Variants in UNC45A observed in about 807,000 individuals in gnomAD.
The protein encoded by UNC45A is unc-45 myosin chaperone A.
Under a neutral mutation model 103.2 loss-of-function variants are expected in UNC45A, and 78 were observed. That is an observed-to-expected ratio of 0.76 (90% CI 0.63 to 0.91). UNC45A has a LOEUF of 0.91. Ranked by LOEUF, UNC45A falls within the 40% of genes least tolerant of loss-of-function variation. UNC45A has a pLI of 0.00. For missense variants in UNC45A, 1,193 were observed against 1,224.8 expected, an observed-to-expected ratio of 0.97 and a Z score of 0.39; for synonymous variants, 495 against 504.6, an observed-to-expected ratio of 0.98 and a Z score of 0.25.
intron 12 of UNC45A, 185 bp from the exon 13 acceptor site, chr15:90,948,469 C>T: frequency 7.9e-7 from 1 of 1,267,970 alleles, no homozygotes; most frequent in East Asian, 2.5e-5. Context: ...GGACGTTCTT[C>T]TTGGAGGAGC....
At position 90,953,044 on chromosome 15, in the gene UNC45A, G is replaced by T. The variant is rs766287030; in HGVS notation, c.2419G>T (p.Glu807Ter). 3 of 1,613,462 alleles carry T rather than the reference G, an allele frequency of 1.9e-6. No homozygotes were observed. The highest frequency in any genetic ancestry group is 2.5e-6 in the Non-Finnish European group (3 of 1,180,040). Residue 807 changes from glutamate to a stop codon, truncating the protein, a stop_gained and splice_region_variant, in exon 18 of 20, where the codon GAG (glutamate) becomes TAG (stop). Coordinates refer to ENST00000418476, the MANE Select transcript of UNC45A (RefSeq NM_018671.5). LOFTEE classifies it high-confidence loss of function. Reference sequence around the variant, plus strand: ...CATGTGTAACTTGGCCATGAGCAAGGAGGTGAGGGTTGGTCTGGGTGCTCA... The same window carrying T: ...CATGTGTAACTTGGCCATGAGCAAGTAGGTGAGGGTTGGTCTGGGTGCTCA... ...ECMCNLAMSKEVQDLFEAQGN... is the reference protein window; with the variant it reads ...ECMCNLAMSK
chr15:90,933,782 C>T (rs2035887802), upstream of UNC45A: 1 of 355,546 alleles, frequency 2.8e-6, no homozygotes, highest in African/African-American at 2.1e-5. Flanking sequence ...TCTCATCCCT[C>T]ATTCTGTCCT....
chr15:90,949,592 A>G, intron 14 of UNC45A, 62 bp from the exon 15 acceptor site: 1 of 1,609,464 alleles, frequency 6.2e-7, no homozygotes, highest in Non-Finnish European at 8.5e-7. Flanking sequence ...TGAGCCTAGG[A>G]GTGCAGCGTC....
intron 9 of UNC45A, 105 bp downstream of exon 9, chr15:90,945,168 T>G: frequency 6.9e-7 from 1 of 1,455,516 alleles, no homozygotes; most frequent in Non-Finnish European, 9.2e-7. Flanking sequence ...AACAGTAATC[T>G]TGGGGAGGAC....
intron 12 of UNC45A, 24 bp from the exon 13 acceptor site, chr15:90,948,630 G>A (rs1312723432): frequency 5.6e-6 from 9 of 1,611,278 alleles, no homozygotes; most frequent in Non-Finnish European, 7.6e-6. Context: ...GGATGCCCAT[G>A]TGAATTCCTC....
intron 11 of UNC45A, 101 bp downstream of exon 11, chr15:90,947,991 C>G (rs2036664148): frequency 1.4e-6 from 2 of 1,479,856 alleles, no homozygotes; most frequent in Non-Finnish European, 1.9e-6. Flanking sequence ...TGCTCTCTGG[C>G]TCAGGCAGGG....
chr15:90,942,772 A>AGTTT (rs774148565), intron 7 of UNC45A, 140 bp from the exon 8 acceptor site: 1 of 1,483,176 alleles, frequency 6.7e-7, no homozygotes, highest in African/African-American at 1.4e-5. Context: ...AAGGTGCCTC[A>AGTTT]GGACAAAGCT....
At chr15:90,943,287 G>C (rs1290231988) in intron 8 of UNC45A, among the ~76,000 whole-genome samples, 3 of 151,914 alleles carry the variant, frequency 2.0e-5, no homozygotes, top group African/African-American at 7.3e-5. Context: ...AAATTAGCTG[G>C]GCATGGTGGT....
chr15:90,950,165 G>T lies in UNC45A; in HGVS notation c.2085G>T (p.Pro695=), dbSNP rs559062930. The change falls in exon 16 of 20, where the codon CCG becomes CCT. Residue 695 remains proline, a synonymous_variant. Transcript: ENST00000418476. ...GCTTGTTCCTACAGGCGCTGATCCC[G>T]CTGGCCCTGGAAGGCACGGACGTGG... is the stretch of plus-strand genomic sequence containing the variant. The part of the protein sequence containing the change: ...VAQGGGRALI[P]LALEGTDVGQ... 2.6e-6 allele frequency: 4 copies of T among 1,551,456 alleles called. No homozygotes were observed. In the East Asian group the frequency reaches 9.8e-5, roughly 38 times the overall value.
chr15:90,942,429 C>A lies in UNC45A; in HGVS notation c.688-8C>A. On this transcript the variant is annotated splice_region_variant and splice_polypyrimidine_tract_variant and intron_variant, in intron 6 of 19. Coordinates refer to ENST00000418476, the MANE Select transcript of UNC45A (RefSeq NM_018671.5). ...GAAGCTTCCTTCTGTTTACCTCTCC[C>A]ACCCCAGACAGTGGCAACCCTGAGC... The A allele has an allele frequency of 1.3e-6, 2 of 1,599,948 alleles. No individual in the cohort carries two copies. Among genetic ancestry groups the A allele is most frequent in the South Asian group, 2.2e-5 (2 of 89,816 alleles).
In UNC45A at chr15:90,953,813, C is replaced by A; in HGVS notation, c.*97C>A. On this transcript the variant is annotated 3_prime_UTR_variant, in exon 20 of 20. Coordinates refer to ENST00000418476, the MANE Select transcript of UNC45A (RefSeq NM_018671.5). ...GCTTTGGCTGGTGGTGGCTGGCATG[C>A]CCAATACTCTTGCCCATCCTCGCTT... 1 of 1,496,598 alleles carries A rather than the reference C, an allele frequency of 6.7e-7. No individual in the cohort carries two copies. The highest frequency in any genetic ancestry group is 1.3e-5 in the South Asian group (1 of 77,720). The allele number at this position is 1,496,598 out of a possible 1,614,324, so 92.7% of individuals were successfully genotyped here. A position where few individuals can be genotyped will look rare whatever the true frequency, so the allele number is the denominator to read the frequency against.
intron 11 of UNC45A, 71 bp downstream of exon 11, chr15:90,947,961 G>A: frequency 6.8e-7 from 1 of 1,469,490 alleles, no homozygotes; most frequent in Non-Finnish European, 9.1e-7. Flanking sequence ...TCTGGGTGGG[G>A]GTTGGGGCCT....
chr15:90,938,374 T>C (rs914628956), intron 4 of UNC45A, among the ~76,000 whole-genome samples: 1 of 152,146 alleles, frequency 6.6e-6, no homozygotes, highest in African/African-American at 2.4e-5. Context: ...TGGAAGCAGA[T>C]AACATGATGG....
chr15:90,947,989 G>C, intron 11 of UNC45A, 99 bp downstream of exon 11: 1 of 1,478,448 alleles, frequency 6.8e-7, no homozygotes, highest in Non-Finnish European at 9.3e-7. Flanking sequence ...CCTGCTCTCT[G>C]GCTCAGGCAG....
rs947489226 is a variant in UNC45A at position 90,950,195 on chromosome 15, G to C, written c.2115G>C (p.Gln705His). Residue 705 changes from glutamine to histidine, a missense_variant, in exon 16 of 20, where the codon CAG (glutamine) becomes CAC (histidine). Coordinates refer to ENST00000418476, the MANE Select transcript of UNC45A (RefSeq NM_018671.5). ...PLALEGTDVG[Q>H]TKAAQALAKL... ...CCCTGGAAGGCACGGACGTGGGGCA[G>C]ACAAAGGCAGCCCAGGCCCTTGCCA... The C allele has an allele frequency of 3.2e-6, 5 of 1,551,720 alleles. No homozygotes were observed. The highest frequency in any genetic ancestry group is 4.4e-6 in the Non-Finnish European group (5 of 1,146,998).
At chr15:90,932,488 T>A, upstream of UNC45A, 2 of 1,310,128 alleles carry the variant, frequency 1.5e-6, no homozygotes, top group South Asian at 4.7e-5. Context: ...CTGCCGGTGC[T>A]TGCGAGCCGC....
At chr15:90,930,243 C>T (rs926733705) in exon 1 of UNC45A, 1 of 152,254 alleles carries the variant, frequency 6.6e-6, no homozygotes, top group Admixed American at 6.5e-5. Context: ...CCGAGTTTCC[C>T]GCGCGGCTTG....
Position 90,949,401 on chromosome 15 carries a change from A to G in UNC45A, c.1964A>G (p.Glu655Gly), listed in dbSNP as rs1004977484. 1.9e-6 allele frequency: 3 copies of G among 1,613,784 alleles called. No homozygotes were observed. The African/African-American group carries it at 4.0e-5, about 22-fold the overall frequency. ...VSAMVCMVKT[E>G]SPVLTSSCRE... ...GCCATGGTGTGCATGGTGAAGACGG[A>G]GAGCCCTGTGCTGACCAGTTCCTGC... Residue 655 changes from glutamate (E) to glycine (G), a missense_variant, in exon 14 of 20, where the codon GAG becomes GGG. Transcript: ENST00000418476.
chr15:90,942,027 C>T (rs908085943), intron 6 of UNC45A, among the ~76,000 whole-genome samples: 4 of 151,206 alleles, frequency 2.6e-5, no homozygotes, highest in South Asian at 4.2e-4. Flanking sequence ...ATTCCGTGTA[C>T]GTGACGTCCA....
Sources: allele counts gnomAD v4.1 joint callset (sites outside exome capture counted in the v4.1 genomes callset), GRCh38; gene constraint gnomAD v4.1.1; transcripts MANE v1.5; gene names NCBI Gene and HGNC (gene_info 2026-07-23, HGNC 2026-07-21).